STPG2: variants seen among roughly 807,000 people sequenced by gnomAD.
The protein encoded by STPG2 is sperm-tail PG-rich repeat-containing protein 2.
A neutral mutation model predicts 54.2 loss-of-function variants in STPG2; 56 were observed. The observed-to-expected ratio is 1.03, with a 90% CI of 0.83 to 1.29. The LOEUF is 1.29. Among genes scored for constraint, STPG2 ranks in the 50% most tolerant of loss-of-function variants. The pLI, the probability that STPG2 is intolerant of heterozygous loss-of-function variation, is 0.00. For missense variants in STPG2, 596 were observed against 544.9 expected (o/e 1.09, Z -0.93); for synonymous variants, 200 against 181.8 (o/e 1.10, Z -0.81).
intron 5 of STPG2, among the ~76,000 whole-genome samples, chr4:98,047,068 G>A (rs1197403976): frequency 2.0e-5 from 3 of 150,660 alleles, no homozygotes; most frequent in African/African-American, 7.3e-5. Context: ...GCTAGCTGTT[G>A]TAGCCTTCTT....
At chr4:97,560,554 C>G (rs1342507383) in intron 10 of STPG2, among the ~76,000 whole-genome samples, 2 of 152,150 alleles carry the variant, frequency 1.3e-5, no homozygotes, top group African/African-American at 4.8e-5. Flanking sequence ...CTCTTTAACA[C>G]TGGATTGAAG....
intron 7 of STPG2, among the ~76,000 whole-genome samples, chr4:97,945,310 A>G (rs1213870341): frequency 6.6e-6 from 1 of 152,080 alleles, no homozygotes; most frequent in Admixed American, 6.5e-5. Flanking sequence ...ACCATACAGT[A>G]TTTGGTTTTT....
chr4:97,823,405 A>C (rs1728146701), intron 9 of STPG2, among the ~76,000 whole-genome samples: 1 of 152,184 alleles, frequency 6.6e-6, no homozygotes, highest in Non-Finnish European at 1.5e-5. Context: ...AGAAAAGCAA[A>C]CCCTGGGTGA....
At chr4:97,445,071 A>G (rs970363327) in intron 4 of STPG2, among the ~76,000 whole-genome samples, 5 of 152,190 alleles carry the variant, frequency 3.3e-5, no homozygotes, top group African/African-American at 1.2e-4. Flanking sequence ...TGATGATAAT[A>G]ATCTATTGTG....
intron 10 of STPG2, among the ~76,000 whole-genome samples, chr4:97,606,459 T>A (rs571420346): frequency 6.6e-6 from 1 of 151,972 alleles, no homozygotes; most frequent in South Asian, 2.1e-4. Context: ...TAAAAATATT[T>A]TATTGGAAAA....
chr4:97,476,932 A>C (rs1195990333), intron 4 of STPG2, among the ~76,000 whole-genome samples: 1 of 152,212 alleles, frequency 6.6e-6, no homozygotes, highest in Non-Finnish European at 1.5e-5. Context: ...TGACATCTTC[A>C]AATGGATATA....
intron 5 of STPG2, among the ~76,000 whole-genome samples, chr4:98,063,152 T>TA (rs931419818): frequency 4.0e-5 from 6 of 151,888 alleles, no homozygotes; most frequent in African/African-American, 1.2e-4. Flanking sequence ...ACCTATTGTT[T>TA]AAAAAAAATC....
Position 97,944,019 on chromosome 4 carries a change from AG to A in STPG2, c.934-13del, listed in dbSNP as rs1168267966. 56 of 1,567,756 alleles carry A rather than the reference AG, an allele frequency of 3.6e-5. No homozygotes were observed. The highest frequency in any genetic ancestry group is 4.4e-5 in the Non-Finnish European group (50 of 1,140,538). ...GAATGCCAAAATTCCTGTTGAAAGAAGGGGTTAAAAAGAGTACATCATTTAT... is the reference window on the plus strand; with the variant it reads ...GAATGCCAAAATTCCTGTTGAAAGAAGGGTTAAAAAGAGTACATCATTTAT... On this transcript the variant is annotated splice_polypyrimidine_tract_variant and intron_variant, in intron 7 of 10. Transcript: ENST00000295268.
At chr4:97,627,504 T>C (rs1162683775) in intron 10 of STPG2, among the ~76,000 whole-genome samples, 1 of 152,110 alleles carries the variant, frequency 6.6e-6, no homozygotes, top group African/African-American at 2.4e-5. Context: ...AAAGTACTGA[T>C]GTGAGGAGAG....
chr4:97,723,922 G>A (rs192237140), intron 9 of STPG2, among the ~76,000 whole-genome samples: 2 of 152,244 alleles, frequency 1.3e-5, no homozygotes, highest in Admixed American at 1.3e-4. Flanking sequence ...CTCAACACGT[G>A]GTGATTACAA....
At chr4:97,869,458 G>C (rs1274939295) in intron 8 of STPG2, among the ~76,000 whole-genome samples, 2 of 151,566 alleles carry the variant, frequency 1.3e-5, no homozygotes, top group Non-Finnish European at 3.0e-5. Context: ...ATAAGCTTTT[G>C]ACATTTTCAG....
chr4:97,779,902 G>C (rs1290155619), intron 9 of STPG2, among the ~76,000 whole-genome samples: 1 of 151,986 alleles, frequency 6.6e-6, no homozygotes, highest in Non-Finnish European at 1.5e-5. Context: ...GTCACCACCA[G>C]GCCTGCCCTA....
At chr4:97,628,504 TG>T (rs1721122238) in intron 10 of STPG2, among the ~76,000 whole-genome samples, 1 of 152,186 alleles carries the variant, frequency 6.6e-6, no homozygotes, top group African/African-American at 2.4e-5. Flanking sequence ...TCCTATAATT[TG>T]TGATTTGTAT....
chr4:97,562,055 G>C (rs1024743479), intron 10 of STPG2, among the ~76,000 whole-genome samples: 2 of 152,106 alleles, frequency 1.3e-5, no homozygotes, highest in Non-Finnish European at 2.9e-5. Context: ...TCATGATATT[G>C]ATTCTTCCTA....
At chr4:97,867,933 C>CT (rs1346677783) in intron 8 of STPG2, among the ~76,000 whole-genome samples, 2 of 151,960 alleles carry the variant, frequency 1.3e-5, no homozygotes, top group African/African-American at 4.8e-5. Context: ...AATGCAGTGT[C>CT]TGTTTGTTTA....
chr4:97,495,737 C>T (rs962091432), intron 4 of STPG2, among the ~76,000 whole-genome samples: 1 of 142,366 alleles, frequency 7.0e-6, no homozygotes, highest in African/African-American at 2.6e-5. Flanking sequence ...CACAGAACTA[C>T]AAAGTAAGCC....
chr4:97,571,210 T>C (rs1732590770), intron 10 of STPG2, among the ~76,000 whole-genome samples: 1 of 152,148 alleles, frequency 6.6e-6, no homozygotes, highest in Non-Finnish European at 1.5e-5. Flanking sequence ...ATAATTAGTC[T>C]TGTTACTGTA....
downstream of STPG2, among the ~76,000 whole-genome samples, chr4:97,558,304 C>T (rs1275567614): frequency 6.6e-6 from 1 of 152,112 alleles, no homozygotes; most frequent in Non-Finnish European, 1.5e-5. Flanking sequence ...GGGGAGGAAA[C>T]AGTGAAACAT....
At chr4:98,035,140 C>T (rs192802585) in intron 5 of STPG2, among the ~76,000 whole-genome samples, 12 of 152,180 alleles carry the variant, frequency 7.9e-5, no homozygotes, top group South Asian at 2.1e-4. Flanking sequence ...GAAAAAGAAA[C>T]GATCATCAGA....
Sources: allele counts gnomAD v4.1 joint callset (sites outside exome capture counted in the v4.1 genomes callset), GRCh38; gene constraint gnomAD v4.1.1; transcripts MANE v1.5; gene names NCBI Gene and HGNC (gene_info 2026-07-23, HGNC 2026-07-21).